TBC1D5: variants seen among roughly 807,000 people sequenced by gnomAD.
The protein encoded by TBC1D5 is TBC1 domain family, member 5.
TBC1D5 carries 75 observed loss-of-function variants against 100.3 expected under a neutral mutation model. The observed-to-expected ratio is 0.75, with a 90% confidence interval of 0.62 to 0.91. The LOEUF is 0.91. TBC1D5 is among the 40% of genes least tolerant of loss of function. The pLI is 0.00. For synonymous variants in TBC1D5, 323 were observed against 325.6 expected, an observed-to-expected ratio of 0.99 and a Z score of 0.09; for missense variants, 910 against 942.4, an observed-to-expected ratio of 0.97 and a Z score of 0.45.
chr3:17,293,574 T>C (rs2081963318), intron 14 of TBC1D5, among the ~76,000 whole-genome samples: 1 of 152,222 alleles, frequency 6.6e-6, no homozygotes, highest in Non-Finnish European at 1.5e-5. Flanking sequence ...CCAGTTCAGG[T>C]AACCTCTGTG....
At chr3:17,625,773 A>T (rs1265931585) in intron 1 of TBC1D5, among the ~76,000 whole-genome samples, 3 of 152,092 alleles carry the variant, frequency 2.0e-5, no homozygotes, top group African/African-American at 7.2e-5. Context: ...AAACACCTGA[A>T]GCAAAAAAAT....
At chr3:17,703,883 T>A (rs1176142598) in intron 1 of TBC1D5, among the ~76,000 whole-genome samples, 1 of 150,870 alleles carries the variant, frequency 6.6e-6, no homozygotes, top group Non-Finnish European at 1.5e-5. Flanking sequence ...TTAAAAAGAA[T>A]GTACCACATT....
rs566053950 is a variant in TBC1D5, at chr3:17,602,073, C to T, written c.-36+21776G>A. ...GTCTCAATCCCCTGACCTCGTGATC[C>T]GCCCACCTCGGCCTCCCAAAGTACT... On this transcript the variant is annotated intron_variant, in intron 2 of 21. Transcript: ENST00000253692. Among the ~76,000 whole-genome samples the T allele has an allele frequency of 3.7e-4, 57 of 152,224 alleles. 1 individual carries two copies. Among genetic ancestry groups the T allele is most frequent in the Admixed American group, 2.1e-3 (32 of 15,278 alleles).
chr3:17,721,083 C>T lies in TBC1D5; in HGVS notation c.-101+18260G>A, dbSNP rs527688110. Among the ~76,000 whole-genome samples, 7 of 151,970 alleles carry T rather than the reference C, an allele frequency of 4.6e-5. No individual in the cohort carries two copies. The South Asian group carries it at 1.0e-3, about 23-fold the overall frequency. On this transcript the variant is annotated intron_variant, in intron 1 of 21. Transcript: ENST00000253692. ...CTTGAATTCCTGACCTCAACTGATCCGCCTGCCTCAGCCTCCCAAAGTGCT... is the reference window on the plus strand; with the variant it reads ...CTTGAATTCCTGACCTCAACTGATCTGCCTGCCTCAGCCTCCCAAAGTGCT...
At chr3:17,406,712 T>C in intron 4 of TBC1D5, 186 bp from the exon 5 acceptor site, 2 of 559,810 alleles carry the variant, frequency 3.6e-6, no homozygotes, top group East Asian at 6.0e-5. Flanking sequence ...GTAGATTTAA[T>C]GAATATGTAG....
At chr3:17,248,186 T>TAA (rs2076899221) in intron 16 of TBC1D5, among the ~76,000 whole-genome samples, 1 of 152,088 alleles carries the variant, frequency 6.6e-6, no homozygotes, top group African/African-American at 2.4e-5. Flanking sequence ...GAGACAGGGT[T>TAA]TCACCATGTT....
intron 13 of TBC1D5, chr3:17,338,307 G>A (rs762124236): frequency 3.9e-5 from 6 of 152,178 alleles, no homozygotes; most frequent in Non-Finnish European, 7.3e-5. Context: ...GGACAGAAAA[G>A]CGCAGAGAAA....
intron 21 of TBC1D5, among the ~76,000 whole-genome samples, chr3:17,162,947 A>G (rs1356855638): frequency 6.6e-6 from 1 of 152,222 alleles, no homozygotes; most frequent in Non-Finnish European, 1.5e-5. Flanking sequence ...CAGGGCTGGA[A>G]TGCTACTTGG....
At chr3:17,565,007 A>G (rs1197748633) in intron 2 of TBC1D5, among the ~76,000 whole-genome samples, 2 of 152,026 alleles carry the variant, frequency 1.3e-5, no homozygotes, top group Non-Finnish European at 2.9e-5. Flanking sequence ...ACTAGAAAAC[A>G]AAAAACAAAA....
At chr3:17,422,863 T>C (rs1474650528) in intron 4 of TBC1D5, among the ~76,000 whole-genome samples, 5 of 152,216 alleles carry the variant, frequency 3.3e-5, no homozygotes, top group East Asian at 1.9e-4. Context: ...TACAAAATTA[T>C]TGATTATATG....
At chr3:17,382,822 A>G (rs1223021750) in intron 9 of TBC1D5, among the ~76,000 whole-genome samples, 1 of 152,078 alleles carries the variant, frequency 6.6e-6, no homozygotes, top group Non-Finnish European at 1.5e-5. Context: ...TCAGCCTTAC[A>G]AAGTGCTGGG....
At position 17,272,158 on chromosome 3, in the gene TBC1D5, C is replaced by T. The variant is rs569114574; in HGVS notation, c.1246-13567G>A. On this transcript the variant is annotated intron_variant, in intron 15 of 21. Coordinates refer to ENST00000253692, the Ensembl canonical transcript of TBC1D5. ...TTGCTGTTGCGATTCTTAGAGATCT[C>T]ATCAGCTGTTACACTGTGACTTATT... Among the ~76,000 whole-genome samples, 13 of 152,270 alleles carry T rather than the reference C, an allele frequency of 8.5e-5. No individual in the cohort carries two copies. In the South Asian group the frequency reaches 2.7e-3, roughly 32 times the overall value.
At position 17,642,793 on chromosome 3, in the gene TBC1D5, C is replaced by A. The variant is rs1359544439; in HGVS notation, c.-100-18880G>T. Among the ~76,000 whole-genome samples, 3 of 152,096 alleles carry A rather than the reference C, an allele frequency of 2.0e-5. No individual in the cohort carries two copies. The East Asian group carries it at 5.8e-4, about 29-fold the overall frequency. On this transcript the variant is annotated intron_variant, in intron 1 of 21. Transcript: ENST00000253692. ...ATAGAAGAGCACTTTCACAGTCTCA[C>A]AGGGTAAGTAAGAACGTACTACATC...
intron 2 of TBC1D5, among the ~76,000 whole-genome samples, chr3:17,586,945 T>C (rs2096736672): frequency 6.6e-6 from 1 of 151,974 alleles, no homozygotes; most frequent in Admixed American, 6.6e-5. Context: ...TATCACATTT[T>C]AAAATCACAT....
At chr3:17,609,782 A>G (rs534453687) in intron 2 of TBC1D5, among the ~76,000 whole-genome samples, 1 of 152,186 alleles carries the variant, frequency 6.6e-6, no homozygotes, top group Non-Finnish European at 1.5e-5. Context: ...CACAGCCTAA[A>G]AGGACTTCTC....
At chr3:17,229,160 A>G (rs2075188050) in intron 17 of TBC1D5, among the ~76,000 whole-genome samples, 1 of 152,102 alleles carries the variant, frequency 6.6e-6, no homozygotes, top group Admixed American at 6.6e-5. Flanking sequence ...TATAACCTAG[A>G]TAAGCAGAAA....
intron 3 of TBC1D5, among the ~76,000 whole-genome samples, chr3:17,441,887 C>T (rs2149548124): frequency 6.6e-6 from 1 of 152,234 alleles, no homozygotes; most frequent in South Asian, 2.1e-4. Flanking sequence ...AAAAGTACAT[C>T]ATAGGTTACT....
intron 2 of TBC1D5, among the ~76,000 whole-genome samples, chr3:17,589,014 CAT>C (rs1304412607): frequency 6.6e-6 from 1 of 152,066 alleles, no homozygotes; most frequent in Non-Finnish European, 1.5e-5. Flanking sequence ...ACATAGTAAA[CAT>C]AAATTTGTAT....
chr3:17,267,203 A>G (rs1471014665), intron 15 of TBC1D5, among the ~76,000 whole-genome samples: 1 of 152,184 alleles, frequency 6.6e-6, no homozygotes, highest in Admixed American at 6.5e-5. Context: ...AGCGTGCAGA[A>G]AGATGCCAGA....
Sources: gnomAD v4.1 joint callset for allele counts (sites outside exome capture counted in the v4.1 genomes callset) on GRCh38, gnomAD v4.1.1 for gene constraint, MANE v1.5 for transcripts, NCBI Gene and HGNC (gene_info 2026-07-23, HGNC 2026-07-21) for gene names.